MACF1: variants seen among roughly 807,000 people sequenced by gnomAD.
MACF1 encodes the protein microtubule-actin cross-linking factor 1.
A neutral mutation model predicts 854.8 loss-of-function variants in MACF1; 193 were observed. The observed-to-expected ratio is 0.23, with a 90% CI of 0.20 to 0.25. The LOEUF (loss-of-function observed/expected upper bound fraction) is 0.25, where lower values mean the gene tolerates loss of function less well. Ranked by LOEUF, MACF1 falls within the 10% of genes least tolerant of loss-of-function variation. The probability of loss-of-function intolerance (pLI) is 1.00; values close to 1 mark genes in which losing one functional copy is unlikely to be tolerated. For missense variants in MACF1, 7,722 were observed against 8,929.1 expected, an observed-to-expected ratio of 0.86 and a Z score of 5.45; for synonymous variants, 3,185 against 3,226.7, an observed-to-expected ratio of 0.99 and a Z score of 0.44.
intron 1 of MACF1, among the ~76,000 whole-genome samples, chr1:39,215,834 G>A (rs1269830947): frequency 2.0e-5 from 3 of 151,954 alleles, no homozygotes; most frequent in Non-Finnish European, 4.4e-5. Flanking sequence ...GAGGAGTCAT[G>A]GCCTATGTTT....
intron 44 of MACF1, among the ~76,000 whole-genome samples, chr1:39,356,255 CTTA>C (rs1289714732): frequency 1.3e-5 from 2 of 152,126 alleles, no homozygotes; most frequent in Admixed American, 6.5e-5. Context: ...GTACAAATTA[CTTA>C]TTATTACCCA....
intron 24 of MACF1, among the ~76,000 whole-genome samples, chr1:39,310,032 T>A (rs1423798091): frequency 1.3e-5 from 2 of 152,186 alleles, no homozygotes; most frequent in East Asian, 3.8e-4. Flanking sequence ...TTATGTCCAG[T>A]GGGGCACAAA....
chr1:39,407,138 A>G (rs1187397429), intron 58 of MACF1, among the ~76,000 whole-genome samples: 1 of 152,224 alleles, frequency 6.6e-6, no homozygotes, highest in Non-Finnish European at 1.5e-5. Context: ...TTTCTGCTCA[A>G]ACACCTCCAG....
At chr1:39,200,064 G>T (rs892770770), upstream of MACF1, among the ~76,000 whole-genome samples, 2 of 152,134 alleles carry the variant, frequency 1.3e-5, no homozygotes, top group Admixed American at 1.3e-4. Flanking sequence ...AATCGCTCCA[G>T]TCAGGCTTTT....
chr1:39,273,090 G>A (rs1274621151), intron 6 of MACF1, among the ~76,000 whole-genome samples: 2 of 146,666 alleles, frequency 1.4e-5, no homozygotes, highest in African/African-American at 5.1e-5. Flanking sequence ...TGCCCACCTT[G>A]TTAGCGAATC....
chr1:39,451,219 T>A lies in MACF1; in HGVS notation c.20418+8T>A. The stretch of plus-strand genomic sequence containing the variant: ...CTCATGGATGCACACAAGGTAGGGG[T>A]GAGGTCTGGGCTACATTGGAGTGCA... On this transcript the variant is annotated splice_region_variant and intron_variant, in intron 85 of 100. Coordinates refer to ENST00000564288, the MANE Select transcript of MACF1 (RefSeq NM_001394062.1). 1 of 1,612,782 alleles carries A rather than the reference T, an allele frequency of 6.2e-7. No homozygotes were observed. Among genetic ancestry groups the A allele is most frequent in the Non-Finnish European group, 8.5e-7 (1 of 1,179,362 alleles).
intron 11 of MACF1, 147 bp from the exon 12 acceptor site, chr1:39,284,936 C>A: frequency 9.2e-7 from 1 of 1,092,610 alleles, no homozygotes; most frequent in Non-Finnish European, 1.3e-6. Context: ...GAACCTGATA[C>A]ATATTTGATT....
rs141737707 is a variant in MACF1 at position 39,457,304 on chromosome 1, C to G, written c.21076-1066C>G. ...CTGGAGTTCCTCCTTTTCCTCACAT[C>G]TAGCCACTCACCAGGGCTTGTCAGT... On this transcript the variant is annotated intron_variant, in intron 89 of 100. Coordinates refer to ENST00000564288, the MANE Select transcript of MACF1 (RefSeq NM_001394062.1). The G allele has an allele frequency of 1.2e-3, 187 of 152,364 alleles. 1 individual carries two copies. The highest frequency in any genetic ancestry group is 4.4e-3 in the African/African-American group (184 of 41,516). 9.4% of individuals were successfully genotyped at this position (152,364 alleles called of 1,614,324 possible).
At chr1:39,438,270 A>G (rs1305364125) in intron 71 of MACF1, among the ~76,000 whole-genome samples, 3 of 152,240 alleles carry the variant, frequency 2.0e-5, no homozygotes, top group Admixed American at 6.5e-5. Flanking sequence ...TACAGTATCA[A>G]TAGTGGGTAG....
At chr1:39,336,991 G>C (rs1571354737) in intron 37 of MACF1, among the ~76,000 whole-genome samples, 191 bp from the exon 38 acceptor site, 1 of 152,178 alleles carries the variant, frequency 6.6e-6, no homozygotes, top group Non-Finnish European at 1.5e-5. Flanking sequence ...CTGAGCTTCT[G>C]CTCTCTGAGG....
chr1:39,301,276 G>C (rs1244384426), intron 22 of MACF1, among the ~76,000 whole-genome samples: 2 of 151,726 alleles, frequency 1.3e-5, no homozygotes, highest in Non-Finnish European at 2.9e-5. Context: ...ACATGTGCCC[G>C]CCACCATGCC....
chr1:39,401,522 A>T (rs187372597), intron 58 of MACF1, among the ~76,000 whole-genome samples: 1 of 152,220 alleles, frequency 6.6e-6, no homozygotes, highest in Non-Finnish European at 1.5e-5. Flanking sequence ...GATATAATTC[A>T]TCTGTCTGCC....
chr1:39,222,417 G>A (rs1644664277), intron 1 of MACF1, among the ~76,000 whole-genome samples: 1 of 152,148 alleles, frequency 6.6e-6, no homozygotes, highest in African/African-American at 2.4e-5. Flanking sequence ...GAGCCACCAT[G>A]CCCAGCCTAC....
intron 56 of MACF1, 69 bp from the exon 57 acceptor site, chr1:39,385,365 G>A (rs1650610571): frequency 6.5e-7 from 1 of 1,540,142 alleles, no homozygotes; most frequent in Non-Finnish European, 8.8e-7. Flanking sequence ...ACTGTGCCTG[G>A]CCTGACACTG....
At chr1:39,268,093 T>G (rs1571239543) in intron 6 of MACF1, among the ~76,000 whole-genome samples, 1 of 152,208 alleles carries the variant, frequency 6.6e-6, no homozygotes, top group South Asian at 2.1e-4. Flanking sequence ...TTTTGTAGTT[T>G]GGGAGCCATA....
At chr1:39,249,262 G>A (rs1645014377) in intron 2 of MACF1, among the ~76,000 whole-genome samples, 1 of 152,138 alleles carries the variant, frequency 6.6e-6, no homozygotes, top group East Asian at 1.9e-4. Context: ...GTAGTTAATG[G>A]CAAAGACTAA....
chr1:39,422,645 A>T, intron 59 of MACF1, 85 bp from the exon 60 acceptor site: 1 of 1,539,864 alleles, frequency 6.5e-7, no homozygotes, highest in Non-Finnish European at 8.8e-7. Context: ...TAGCAGTTGC[A>T]ATCTATAATT....
chr1:39,476,368 A>C (rs570081452), intron 97 of MACF1, among the ~76,000 whole-genome samples: 1 of 152,086 alleles, frequency 6.6e-6, no homozygotes, highest in South Asian at 2.1e-4. Flanking sequence ...CAGGAGATGG[A>C]GACCATCCTG....
chr1:39,450,607 TTTC>T (rs1644322037), intron 84 of MACF1, among the ~76,000 whole-genome samples: 1 of 129,658 alleles, frequency 7.7e-6, no homozygotes, highest in South Asian at 2.3e-4. Flanking sequence ...TTTTACTCTA[TTTC>T]TTTTTTTTTT....
Sources: gnomAD v4.1 joint callset for allele counts (sites outside exome capture counted in the v4.1 genomes callset) on GRCh38, gnomAD v4.1.1 for gene constraint, MANE v1.5 for transcripts, NCBI Gene and HGNC (gene_info 2026-07-23, HGNC 2026-07-21) for gene names.